The following DIP2C variants were observed in gnomAD, a reference collection of about 807,000 sequenced individuals.
DIP2C encodes disco-interacting protein 2 homolog C.
In DIP2C, 33 loss-of-function variants were observed where a neutral mutation model predicts 192.4. The observed-to-expected ratio is 0.17, with a 90% CI of 0.13 to 0.23. The LOEUF is 0.23. Among genes scored for constraint, DIP2C ranks in the 10% least tolerant of loss-of-function variants. The pLI is 1.00. For synonymous variants in DIP2C, 979 were observed against 864.1 expected, an observed-to-expected ratio of 1.13 and a Z score of -2.33; for missense variants, 1,537 against 2,110.1, an observed-to-expected ratio of 0.73 and a Z score of 5.32.
intron 32 of DIP2C, among the ~76,000 whole-genome samples, chr10:301,139 G>A (rs973746420): frequency 2.0e-5 from 3 of 152,156 alleles, no homozygotes; most frequent in African/African-American, 4.8e-5. Flanking sequence ...CCAGGGAACC[G>A]TGGAGACATG....
chr10:484,727 C>T, intron 2 of DIP2C: 1 of 1,577,132 alleles, frequency 6.3e-7, no homozygotes, highest in Non-Finnish European at 8.6e-7. Flanking sequence ...GCGGGTGGCC[C>T]TTTTCTAATG....
chr10:657,119 CG>C (rs1856394342), intron 1 of DIP2C, among the ~76,000 whole-genome samples: 1 of 150,534 alleles, frequency 6.6e-6, no homozygotes. Context: ...CCGGACCTGC[CG>C]CTGGACCTGC....
At chr10:405,748 C>A (rs180837169) in intron 9 of DIP2C, among the ~76,000 whole-genome samples, 1 of 152,156 alleles carries the variant, frequency 6.6e-6, no homozygotes. Context: ...AGGCATCAGC[C>A]GATCAGGAGA....
chr10:661,378 CGGCTGGCTACCCGTGTGA>C (rs1564318279), intron 1 of DIP2C, among the ~76,000 whole-genome samples: 3 of 152,190 alleles, frequency 2.0e-5, no homozygotes, highest in African/African-American at 7.2e-5. Flanking sequence ...TCTTGGTCCA[CGGCTGGCTACCCGTGTGA>C]GGCTCCAGGC....
In DIP2C at chr10:419,136, C is replaced by T. The variant is rs773368032; in HGVS notation, c.668G>A (p.Arg223Lys). The T allele has an allele frequency of 6.2e-6, 10 of 1,614,272 alleles. 1 individual carries two copies. The South Asian group carries it at 1.1e-4, about 18-fold the overall frequency. ...YTSEHSIQVE[R>K]PQGSTGSRTA... Reference sequence around the variant, plus strand: ...CCGGGACCCCGTGGAACCCTGCGGTCTCTCCACCTGTATCGAGTGCTCTGA... The same window carrying T: ...CCGGGACCCCGTGGAACCCTGCGGTTTCTCCACCTGTATCGAGTGCTCTGA... Residue 223 changes from arginine (R) to lysine (K), a missense_variant, in exon 6 of 37, where the codon AGA (arginine) becomes AAA (lysine). Coordinates refer to ENST00000280886, the MANE Select transcript of DIP2C (RefSeq NM_014974.3).
At chr10:481,107 C>T (rs757163301) in intron 2 of DIP2C, among the ~76,000 whole-genome samples, 1 of 152,076 alleles carries the variant, frequency 6.6e-6, no homozygotes, top group South Asian at 2.1e-4. Flanking sequence ...CAGACTGTAA[C>T]TCTCATGGCA....
chr10:628,457 C>T (rs1854319419), intron 1 of DIP2C, among the ~76,000 whole-genome samples: 1 of 152,248 alleles, frequency 6.6e-6, no homozygotes, highest in Non-Finnish European at 1.5e-5. Context: ...AACCCAAGAC[C>T]TCTGTTGGCA....
intron 32 of DIP2C, among the ~76,000 whole-genome samples, chr10:293,801 C>T (rs1394561155): frequency 6.6e-6 from 1 of 152,178 alleles, no homozygotes; most frequent in Non-Finnish European, 1.5e-5. Flanking sequence ...AACAAATGCA[C>T]TATTATTTCT....
chr10:647,175 G>C (rs1317510356), intron 1 of DIP2C, among the ~76,000 whole-genome samples: 1 of 151,628 alleles, frequency 6.6e-6, no homozygotes, highest in Non-Finnish European at 1.5e-5. Context: ...ATCCACATTG[G>C]ACGGTGGGAG....
rs745668209 is a variant in DIP2C at position 344,900 on chromosome 10, C to T, written c.3362G>A (p.Arg1121Gln). The change falls in exon 28 of 37, where the codon CGG becomes CAG. Residue 1121 changes from arginine to glutamine, a missense_variant. Around this residue, in one of 4 missense-constraint regions of DIP2C, gnomAD observed 46 missense variants for 28.9 expected, o/e 1.59. Transcript: ENST00000280886. ...ILDTDDLPKK[R>Q]PAQICKPCNP... The stretch of plus-strand genomic sequence containing the variant: ...GCAAGGTTTGCAGATCTGGGCAGGC[C>T]GCTTCTTTGGCAAATCATCTGGAGA... 14 of 1,606,874 alleles carry T rather than the reference C, an allele frequency of 8.7e-6. No homozygotes were observed. The highest frequency in any genetic ancestry group is 1.2e-5 in the Non-Finnish European group (14 of 1,177,724).
intron 1 of DIP2C, among the ~76,000 whole-genome samples, chr10:534,452 T>C (rs1301557795): frequency 1.3e-5 from 2 of 152,140 alleles, no homozygotes; most frequent in East Asian, 3.9e-4. Context: ...TCCTTCTCTT[T>C]TTGTCAGGTC....
chr10:622,498 G>A (rs1396586568), intron 1 of DIP2C, among the ~76,000 whole-genome samples: 3 of 152,256 alleles, frequency 2.0e-5, no homozygotes, highest in Admixed American at 6.5e-5. Context: ...AGTTCAAGCT[G>A]TTTATAACTG....
chr10:472,686 CCA>C (rs1970725954), intron 2 of DIP2C, 137 bp from the exon 3 acceptor site: 2 of 736,838 alleles, frequency 2.7e-6, no homozygotes, highest in Non-Finnish European at 4.5e-6. Context: ...GCCTCAGAGC[CCA>C]CAGACAGGAG....
Position 398,942 on chromosome 10 carries a change from G to A in DIP2C, c.1260+167C>T, listed in dbSNP as rs954207307. Among the ~76,000 whole-genome samples the A allele has an allele frequency of 3.9e-5, 6 of 152,246 alleles. No individual in the cohort carries two copies. The East Asian group carries it at 7.7e-4, about 20-fold the overall frequency. On this transcript the variant is annotated intron_variant, in intron 10 of 36. Coordinates refer to ENST00000280886, the MANE Select transcript of DIP2C (RefSeq NM_014974.3). ...GCAAGCTGTGCTCCACCTCCAGGAC[G>A]CCCATCCCAGGCTGCAGGGCCCACT...
At chr10:439,171 TTAAAA>T (rs1229233371) in intron 4 of DIP2C, among the ~76,000 whole-genome samples, 1 of 152,124 alleles carries the variant, frequency 6.6e-6, no homozygotes, top group Non-Finnish European at 1.5e-5. Flanking sequence ...TTGCTTAATA[TTAAAA>T]TAAAGAAAAG....
At chr10:608,137 ACACAGCCCCCC>A (rs1564262288) in intron 1 of DIP2C, among the ~76,000 whole-genome samples, 3 of 99,022 alleles carry the variant, frequency 3.0e-5, no homozygotes, top group African/African-American at 2.2e-4. Flanking sequence ...CCCAACACAC[ACACAGCCCCCC>A]CACACACACC....
Position 591,289 on chromosome 10 carries a change from T to A in DIP2C, c.85+98205A>T, listed in dbSNP as rs1015286802. ...ACAGGTGCCCGCCACCACGCCTGGC[T>A]AATATTCATATTTTCAGTAGAGACA... On this transcript the variant is annotated intron_variant, in intron 1 of 36. Transcript: ENST00000280886. Among the ~76,000 whole-genome samples the A allele has an allele frequency of 3.3e-5, 5 of 152,214 alleles. No homozygotes were observed. The South Asian group carries it at 1.0e-3, about 32-fold the overall frequency.
intron 1 of DIP2C, among the ~76,000 whole-genome samples, chr10:639,582 T>C (rs1361838741): frequency 1.3e-5 from 2 of 152,230 alleles, no homozygotes; most frequent in African/African-American, 2.4e-5. Flanking sequence ...AAGCACTTTC[T>C]GGCAGGTTTA....
chr10:657,144 A>ACTGGACCTGACG (rs1856397242), intron 1 of DIP2C, among the ~76,000 whole-genome samples: 1 of 107,020 alleles, frequency 9.3e-6, no homozygotes, highest in African/African-American at 3.6e-5. Flanking sequence ...TGGACCTGCC[A>ACTGGACCTGACG]CTGGACCTGA....
Sources: gnomAD v4.1 joint callset for allele counts (sites outside exome capture counted in the v4.1 genomes callset) on GRCh38, gnomAD v4.1.1 for gene constraint, gnomAD v4.1.1 regional missense constraint, MANE v1.5 for transcripts, NCBI Gene and HGNC (gene_info 2026-07-23, HGNC 2026-07-21) for gene names.